The following SAMD8 variants were observed in gnomAD, a reference collection of about 807,000 sequenced individuals.
SAMD8 encodes the protein sterile alpha motif domain containing 8, also known as sphingomyelin synthase-related protein 1.
SAMD8 carries 20 observed loss-of-function variants against 42.0 expected under a neutral mutation model. The ratio of observed to expected loss-of-function variants is 0.48; its 90% confidence interval spans 0.34 to 0.69. The LOEUF (loss-of-function observed/expected upper bound fraction) is 0.69, where lower values mean the gene tolerates loss of function less well. SAMD8 is among the 30% of genes least tolerant of loss of function. The pLI is 0.01. For synonymous variants in SAMD8, 162 were observed against 173.0 expected (o/e 0.94, Z 0.50); for missense variants, 328 against 511.6 (o/e 0.64, Z 3.46).
chr10:75,144,313 T>C (rs1840088271), intron 1 of SAMD8, among the ~76,000 whole-genome samples: 1 of 149,222 alleles, frequency 6.7e-6, no homozygotes, highest in African/African-American at 2.6e-5. Context: ...ACATTTACTG[T>C]GTTGTGCAAC....
intron 1 of SAMD8, among the ~76,000 whole-genome samples, chr10:75,124,172 G>T (rs1481217116): frequency 2.0e-5 from 3 of 152,098 alleles, no homozygotes; most frequent in East Asian, 1.9e-4. Flanking sequence ...TTGTTCCTTG[G>T]GTCCCAAGGT....
chr10:75,103,815 C>T (rs1848324956), intron 1 of SAMD8: 2 of 1,136,484 alleles, frequency 1.8e-6, no homozygotes, highest in South Asian at 2.9e-5. Context: ...TCTCTCCTCC[C>T]CTCCCCACTT....
At chr10:75,148,061 CTA>C (rs909355370) in intron 1 of SAMD8, among the ~76,000 whole-genome samples, 3 of 152,078 alleles carry the variant, frequency 2.0e-5, no homozygotes, top group African/African-American at 7.2e-5. Context: ...GACAGGGAAA[CTA>C]TGTGGGTCAA....
rs146739834 is a variant in SAMD8 at position 75,119,493 on chromosome 10, A to G, written c.-16+7771A>G. Among the ~76,000 whole-genome samples, 517 of 152,310 alleles carry G rather than the reference A, an allele frequency of 3.4e-3. 2 individuals are homozygous for G. Among genetic ancestry groups the G allele is most frequent in the African/African-American group, 0.012 (479 of 41,562 alleles). On this transcript the variant is annotated intron_variant, in intron 1 of 5. Transcript: ENST00000542569. ...ATATTGTATTTATGAGTCAAGTTTT[A>G]TCAGTTGTGAATTCCTTTAGGGGCA...
chr10:75,130,398 C>G (rs374508507), intron 1 of SAMD8, among the ~76,000 whole-genome samples: 1 of 151,896 alleles, frequency 6.6e-6, no homozygotes. Flanking sequence ...CCCAGCTACT[C>G]GGGAGGCTGA....
chr10:75,155,901 A>C (rs1840399830), intron 2 of SAMD8, among the ~76,000 whole-genome samples: 1 of 152,190 alleles, frequency 6.6e-6, no homozygotes, highest in Non-Finnish European at 1.5e-5. Flanking sequence ...ATGAGCACAC[A>C]GATCGTGGTT....
chr10:75,147,979 A>C (rs1840182589), intron 1 of SAMD8, among the ~76,000 whole-genome samples: 1 of 152,194 alleles, frequency 6.6e-6, no homozygotes, highest in African/African-American at 2.4e-5. Flanking sequence ...GTTATTCCAT[A>C]ATGCATAAGA....
At chr10:75,149,623 G>A (rs974806212) in intron 1 of SAMD8, among the ~76,000 whole-genome samples, 16 of 152,216 alleles carry the variant, frequency 1.1e-4, no homozygotes, top group Admixed American at 5.9e-4. Flanking sequence ...GGGTTCCCTG[G>A]AATTACAGTT....
At chr10:75,105,229 G>A (rs1308819368) in intron 1 of SAMD8, among the ~76,000 whole-genome samples, 2 of 152,172 alleles carry the variant, frequency 1.3e-5, no homozygotes, top group African/African-American at 4.8e-5. Flanking sequence ...GGAGGTTCAG[G>A]AGGGTCCAGG....
intron 1 of SAMD8, among the ~76,000 whole-genome samples, chr10:75,115,457 C>T (rs1279060005): frequency 6.6e-6 from 1 of 152,144 alleles, no homozygotes; most frequent in Non-Finnish European, 1.5e-5. Flanking sequence ...GCTGTTGCTT[C>T]CTGGTAATTT....
At chr10:75,157,246 A>G (rs1840433266) in intron 2 of SAMD8, among the ~76,000 whole-genome samples, 3 of 152,092 alleles carry the variant, frequency 2.0e-5, no homozygotes, top group Admixed American at 2.0e-4. Flanking sequence ...AGAGAGAGAG[A>G]GAGAGAGAGA....
In SAMD8 at chr10:75,151,120, C is replaced by T. The variant is rs777794321; in HGVS notation, c.578+14C>T. On this transcript the variant is annotated intron_variant, in intron 2 of 5. Coordinates refer to ENST00000542569, the MANE Select transcript of SAMD8 (RefSeq NM_001174156.2). ...ATTCTTAGACAGGTAAGTTTTGTTTCTAGTTGCTAAGTTTGTAGGATGTTG... is the reference window on the plus strand; with the variant it reads ...ATTCTTAGACAGGTAAGTTTTGTTTTTAGTTGCTAAGTTTGTAGGATGTTG... 19 of 1,403,586 alleles carry T rather than the reference C, an allele frequency of 1.4e-5. No homozygotes were observed. Among genetic ancestry groups the T allele is most frequent in the Non-Finnish European group, 1.8e-5 (19 of 1,053,270 alleles). The allele number at this position is 1,403,586 out of a possible 1,614,324, so 86.9% of individuals were successfully genotyped here. A position where few individuals can be genotyped will look rare whatever the true frequency, so the allele number is the denominator to read the frequency against.
chr10:75,100,211 T>G (rs1848068582), intron 1 of SAMD8, among the ~76,000 whole-genome samples: 1 of 152,076 alleles, frequency 6.6e-6, no homozygotes, highest in South Asian at 2.1e-4. Context: ...GGTCAAGGAT[T>G]TGGGGGCTGG....
intron 1 of SAMD8, among the ~76,000 whole-genome samples, chr10:75,146,272 C>CT (rs202162176): frequency 0.016 from 1,096 of 68,152 alleles, 132 homozygotes; most frequent in African/African-American, 0.02. Flanking sequence ...TGTCTTGACA[C>CT]TTTTTTTTTT....
chr10:75,117,060 C>T (rs1293453374), intron 1 of SAMD8, among the ~76,000 whole-genome samples: 1 of 152,070 alleles, frequency 6.6e-6, no homozygotes, highest in African/African-American at 2.4e-5. Context: ...ATCCACCCCC[C>T]TTGGCCTCCC....
rs1288126857 is a variant in SAMD8, at chr10:75,122,065, TTTTC to T, written c.-16+10351_-16+10354del. ...ACAGTGAAAAATAATACTGCTTTCA[TTTTC>T]TTTCTTTTTTCAAAATCATATCACA... On this transcript the variant is annotated intron_variant, in intron 1 of 5. Coordinates refer to ENST00000542569, the MANE Select transcript of SAMD8 (RefSeq NM_001174156.2). 5.3e-5 allele frequency among the ~76,000 whole-genome samples: 8 copies of T among 152,308 alleles called. No individual in the cohort carries two copies. In the East Asian group the frequency reaches 1.3e-3, roughly 26 times the overall value.
chr10:75,172,108 T>C (rs1490968474), intron 4 of SAMD8, among the ~76,000 whole-genome samples: 1 of 151,998 alleles, frequency 6.6e-6, no homozygotes, highest in Non-Finnish European at 1.5e-5. Flanking sequence ...CATGTATGCG[T>C]GTCAGCTTTC....
chr10:75,114,530 C>T (rs868448020), intron 1 of SAMD8, among the ~76,000 whole-genome samples: 1 of 152,150 alleles, frequency 6.6e-6, no homozygotes, highest in South Asian at 2.1e-4. Context: ...AATACTTCTT[C>T]AAAACTTTGC....
chr10:75,146,963 C>T (rs1840151591), intron 1 of SAMD8, among the ~76,000 whole-genome samples: 1 of 152,166 alleles, frequency 6.6e-6, no homozygotes, highest in Non-Finnish European at 1.5e-5. Flanking sequence ...AAAGGGCATG[C>T]ACTGACCTGA....
Sources: allele counts gnomAD v4.1 joint callset (sites outside exome capture counted in the v4.1 genomes callset), GRCh38; gene constraint gnomAD v4.1.1; transcripts MANE v1.5; gene names NCBI Gene and HGNC (gene_info 2026-07-23, HGNC 2026-07-21).